The following ZNF140 variants were observed in gnomAD, a reference collection of about 807,000 sequenced individuals.
ZNF140 encodes zinc finger protein 140, also known as zinc finger protein 140 (clone pHZ-39).
ZNF140 carries 13 observed loss-of-function variants against 12.9 expected under a neutral mutation model. The ratio of observed to expected loss-of-function variants is 1.01; its 90% CI spans 0.66 to 1.60. The LOEUF is 1.60. ZNF140 is among the 40% of genes most tolerant of loss of function. The probability of loss-of-function intolerance (pLI) is 0.00; values close to 1 mark genes in which losing one functional copy is unlikely to be tolerated. For missense variants in ZNF140, 531 were observed against 548.8 expected (o/e 0.97, Z 0.32); for synonymous variants, 214 against 186.7 (o/e 1.15, Z -1.19).
chr12:133,085,490 G>GTCA (rs1954645133), intron 4 of ZNF140, among the ~76,000 whole-genome samples: 2 of 152,124 alleles, frequency 1.3e-5, no homozygotes, highest in Non-Finnish European at 2.9e-5. Context: ...CGTGACCAAG[G>GTCA]TCAATAAACA....
In ZNF140 at chr12:133,106,303, AT is replaced by A. The variant is rs1165491277; in HGVS notation, c.1028del (p.Phe343SerfsTer148). 8 of 1,614,218 alleles carry A rather than the reference AT, an allele frequency of 5.0e-6. No homozygotes were observed. The highest frequency in any genetic ancestry group is 6.8e-6 in the Non-Finnish European group (8 of 1,180,024). On this transcript the variant is annotated frameshift_variant, in exon 5 of 5. Transcript: ENST00000355557. LOFTEE classifies it low-confidence loss of function (END_TRUNC). Reference sequence around the variant, plus strand: ...GTAGGAAAGCTTTCCGTTGTCACTCATTCCTTATTAAACATCAGAGAATTCA... The same window carrying A: ...GTAGGAAAGCTTTCCGTTGTCACTCATCCTTATTAAACATCAGAGAATTCA... ...ECRKAFRCHS[F>X]LIKHQRIHAG...
chr12:133,094,640 C>A (rs912553242), intron 4 of ZNF140, among the ~76,000 whole-genome samples: 8 of 151,042 alleles, frequency 5.3e-5, no homozygotes, highest in African/African-American at 2.0e-4. Context: ...CCTTAGAGAG[C>A]GGCCACTCTT....
At chr12:133,082,852 A>G (rs1347811442) in intron 2 of ZNF140, 1 of 394,176 alleles carries the variant, frequency 2.5e-6, no homozygotes, top group Non-Finnish European at 4.5e-6. Context: ...TCATGTGTAT[A>G]ATCCTTTATT....
At chr12:133,100,160 G>GCT (rs1955286489) in intron 4 of ZNF140, among the ~76,000 whole-genome samples, 1 of 60,978 alleles carries the variant, frequency 1.6e-5, no homozygotes, top group South Asian at 5.6e-4. Flanking sequence ...TGCCTTTTCC[G>GCT]TTTTTTTTTT....
At chr12:133,104,499 A>T (rs1018459434) in intron 4 of ZNF140, among the ~76,000 whole-genome samples, 1 of 151,644 alleles carries the variant, frequency 6.6e-6, no homozygotes, top group Non-Finnish European at 1.5e-5. Flanking sequence ...CTACAGGTGC[A>T]TGCCATCACG....
At chr12:133,104,559 G>A (rs2137584360) in intron 4 of ZNF140, among the ~76,000 whole-genome samples, 1 of 152,102 alleles carries the variant, frequency 6.6e-6, no homozygotes, top group East Asian at 1.9e-4. Context: ...CACTGTGTTA[G>A]CCAGGCTGGT....
rs535187067 is a variant in ZNF140, at chr12:133,096,055, C to T, written c.233-9455C>T. Among the ~76,000 whole-genome samples, 112 of 151,324 alleles carry T rather than the reference C, an allele frequency of 7.4e-4. 2 individuals carry two copies. In the South Asian group the frequency reaches 7.8e-3, roughly 10 times the overall value. ...CTCAGCACAGACCCTTTATGGGTGTCGGGCTGGGGGATGGTCAGGTCTTTC... is the reference window on the plus strand; with the variant it reads ...CTCAGCACAGACCCTTTATGGGTGTTGGGCTGGGGGATGGTCAGGTCTTTC... On this transcript the variant is annotated intron_variant, in intron 4 of 4. Coordinates refer to ENST00000355557, the MANE Select transcript of ZNF140 (RefSeq NM_003440.4).
chr12:133,086,875 A>G (rs1164386912), intron 4 of ZNF140, among the ~76,000 whole-genome samples: 1 of 152,224 alleles, frequency 6.6e-6, no homozygotes, highest in African/African-American at 2.4e-5. Flanking sequence ...TCATAGTACC[A>G]TTTATTGATA....
At chr12:133,081,374 T>A (rs1404941181) in intron 2 of ZNF140, 45 bp downstream of exon 2, 2 of 195,692 alleles carry the variant, frequency 1.0e-5, no homozygotes, top group South Asian at 1.0e-4. Flanking sequence ...TATATATAAA[T>A]TTTTATTTTT....
chr12:133,083,631 T>A, intron 4 of ZNF140, 70 bp downstream of exon 4: 1 of 1,428,228 alleles, frequency 7.0e-7, no homozygotes, highest in Non-Finnish European at 9.7e-7. Context: ...AAGGAATACT[T>A]TTTAATATGT....
rs1365946852 is a variant in ZNF140 at position 133,093,643 on chromosome 12, T to C, written c.232+10082T>C. Reference sequence around the variant, plus strand: ...CAAATTAGTTTTCCCTCATGTGGGCTGTTCTTTTTACCAGTAAAATGTTGT... The same window carrying C: ...CAAATTAGTTTTCCCTCATGTGGGCCGTTCTTTTTACCAGTAAAATGTTGT... On this transcript the variant is annotated intron_variant, in intron 4 of 4. Transcript: ENST00000355557. The C allele has an allele frequency of 2.7e-5, 16 of 593,524 alleles. 1 individual carries two copies. The highest frequency in any genetic ancestry group is 1.8e-4 in the South Asian group (9 of 49,744). 36.8% of individuals were successfully genotyped at this position (593,524 alleles called of 1,614,324 possible). A position where few individuals can be genotyped will look rare whatever the true frequency, so the allele number is the denominator to read the frequency against.
chr12:133,094,699 T>C (rs77043492), intron 4 of ZNF140, among the ~76,000 whole-genome samples: 1 of 151,188 alleles, frequency 6.6e-6, no homozygotes, highest in Non-Finnish European at 1.5e-5. Flanking sequence ...TCCTTCACCG[T>C]AGTGAACTGC....
intron 4 of ZNF140, among the ~76,000 whole-genome samples, chr12:133,087,565 A>G (rs1029953721): frequency 1.5e-4 from 23 of 150,896 alleles, no homozygotes; most frequent in African/African-American, 5.6e-4. Flanking sequence ...AAAGAAATCT[A>G]TAACTAGTTG....
chr12:133,103,770 G>A (rs1955454415), intron 4 of ZNF140, among the ~76,000 whole-genome samples: 1 of 151,840 alleles, frequency 6.6e-6, no homozygotes, highest in African/African-American at 2.4e-5. Flanking sequence ...ATTTTCTTCT[G>A]TGTTCTCTTT....
chr12:133,106,319 C>G lies in ZNF140; in HGVS notation c.1042C>G (p.Gln348Glu), dbSNP rs1482624430. ...TTGTCACTCATTCCTTATTAAACAT[C>G]AGAGAATTCATGCTGGAGAAAAGCT... is the stretch of plus-strand genomic sequence containing the variant. The part of the protein sequence containing the change: ...FRCHSFLIKH[Q>E]RIHAGEKLYE... Residue 348 changes from glutamine to glutamate, a missense_variant, in exon 5 of 5, where the codon CAG becomes GAG. Coordinates refer to ENST00000355557, the MANE Select transcript of ZNF140 (RefSeq NM_003440.4). 2 of 1,614,158 alleles carry G rather than the reference C, an allele frequency of 1.2e-6. No homozygotes were observed. The highest frequency in any genetic ancestry group is 1.7e-5 in the Admixed American group (1 of 60,020).
intron 4 of ZNF140, among the ~76,000 whole-genome samples, chr12:133,104,843 A>T (rs1282318657): frequency 6.6e-6 from 1 of 152,202 alleles, no homozygotes; most frequent in Non-Finnish European, 1.5e-5. Flanking sequence ...TACTCATGTT[A>T]CATGAGCAAA....
intron 4 of ZNF140, among the ~76,000 whole-genome samples, chr12:133,099,407 C>T (rs1289413825): frequency 1.3e-5 from 2 of 152,160 alleles, no homozygotes; most frequent in South Asian, 2.1e-4. Flanking sequence ...AAACTCCTGA[C>T]CTCAGGTGAT....
intron 4 of ZNF140, among the ~76,000 whole-genome samples, chr12:133,089,222 T>C (rs2137506621): frequency 6.6e-6 from 1 of 152,212 alleles, no homozygotes; most frequent in Non-Finnish European, 1.5e-5. Flanking sequence ...TTTGATTTTT[T>C]TTTTTTTCGA....
chr12:133,107,371 T>C lies in ZNF140; in HGVS notation c.*720T>C, dbSNP rs1955636717. 1 of 152,222 alleles carries C rather than the reference T, an allele frequency of 6.6e-6. No homozygotes were observed. The highest frequency in any genetic ancestry group is 2.4e-5 in the African/African-American group (1 of 41,458). The allele number at this position is 152,222 out of a possible 1,614,324, so 9.4% of individuals were successfully genotyped here. On this transcript the variant is annotated 3_prime_UTR_variant, in exon 5 of 5. Transcript: ENST00000355557. Reference sequence around the variant, plus strand: ...TATTTTGAGGGAAGGGGGATTCCTTTTTGTTTTTTAAGTGAATTCAGAAAA... The same window carrying C: ...TATTTTGAGGGAAGGGGGATTCCTTCTTGTTTTTTAAGTGAATTCAGAAAA...
Sources: allele counts gnomAD v4.1 joint callset (sites outside exome capture counted in the v4.1 genomes callset), GRCh38; gene constraint gnomAD v4.1.1; transcripts MANE v1.5; gene names NCBI Gene and HGNC (gene_info 2026-07-23, HGNC 2026-07-21).